Variants in DPYD observed in about 807,000 individuals in gnomAD.
DPYD encodes dihydropyrimidine dehydrogenase.
In DPYD, 109 loss-of-function variants were observed where a neutral mutation model predicts 116.2. The ratio of observed to expected loss-of-function variants is 0.94; its 90% CI spans 0.80 to 1.10. DPYD has a LOEUF of 1.10. DPYD is among the 50% of genes least tolerant of loss of function. DPYD has a pLI of 0.00. For missense variants in DPYD, 1,302 were observed against 1,254.5 expected, an observed-to-expected ratio of 1.04 and a Z score of -0.57; for synonymous variants, 440 against 432.0, an observed-to-expected ratio of 1.02 and a Z score of -0.23.
At chr1:97,871,208 C>T (rs775859030) in intron 2 of DPYD, among the ~76,000 whole-genome samples, 6 of 151,900 alleles carry the variant, frequency 3.9e-5, no homozygotes, top group Non-Finnish European at 8.8e-5. Flanking sequence ...TACTTATTGA[C>T]CTATAATACA....
chr1:97,304,038 A>T (rs1483435527), intron 18 of DPYD, among the ~76,000 whole-genome samples: 1 of 152,026 alleles, frequency 6.6e-6, no homozygotes, highest in Non-Finnish European at 1.5e-5. Flanking sequence ...TTGCAGCTTA[A>T]ATGAGAAAAC....
intron 12 of DPYD, among the ~76,000 whole-genome samples, chr1:97,542,795 G>T (rs74753839): frequency 0.013 from 2,023 of 152,064 alleles, 34 homozygotes; most frequent in East Asian, 0.041. Context: ...TTGAATGAAT[G>T]AATTAATTAA....
intron 14 of DPYD, among the ~76,000 whole-genome samples, chr1:97,386,307 C>G (rs534682217): frequency 6.6e-6 from 1 of 150,780 alleles, no homozygotes; most frequent in Non-Finnish European, 1.5e-5. Flanking sequence ...TCCTTGGTCA[C>G]TAAACTGGAA....
At chr1:97,092,122 A>G (rs1354634163) in intron 21 of DPYD, among the ~76,000 whole-genome samples, 4 of 151,804 alleles carry the variant, frequency 2.6e-5, no homozygotes, top group Non-Finnish European at 5.9e-5. Context: ...AGCTTGTTCT[A>G]TTTTCTCCAT....
intron 20 of DPYD, among the ~76,000 whole-genome samples, chr1:97,168,848 A>C (rs929100358): frequency 9.1e-5 from 13 of 142,388 alleles, no homozygotes; most frequent in African/African-American, 3.4e-4. Context: ...CCACTTAGTA[A>C]TTTTTTTTTT....
At chr1:97,398,513 A>T (rs2101626702) in intron 14 of DPYD, among the ~76,000 whole-genome samples, 1 of 151,454 alleles carries the variant, frequency 6.6e-6, no homozygotes, top group South Asian at 2.1e-4. Context: ...ATCCCTGAGG[A>T]ATCACCACAC....
chr1:97,432,262 T>C (rs544057353), intron 14 of DPYD, among the ~76,000 whole-genome samples: 77 of 152,198 alleles, frequency 5.1e-4, no homozygotes, highest in African/African-American at 1.5e-3. Context: ...TATTTTTAGC[T>C]TTTTTAGAGC....
chr1:97,127,187 A>C (rs1390943626), intron 20 of DPYD, among the ~76,000 whole-genome samples: 5 of 152,198 alleles, frequency 3.3e-5, no homozygotes, highest in Admixed American at 6.5e-5. Flanking sequence ...TACAGCATAA[A>C]GAGAAAAGAC....
rs1416146247 is a variant in DPYD, at chr1:97,385,920, A to C, written c.1906-3459T>G. 3.3e-5 allele frequency among the ~76,000 whole-genome samples: 5 copies of C among 152,158 alleles called. No individual in the cohort carries two copies. In the East Asian group the frequency reaches 9.6e-4, roughly 29 times the overall value. On this transcript the variant is annotated intron_variant, in intron 14 of 22. Transcript: ENST00000370192. ...TATATTGACTGTGCCAGGTTGGTTA[A>C]TTGTTCACCCTGTAGGTTGCTGAGA...
chr1:97,576,037 C>T (rs1653238893), intron 10 of DPYD, among the ~76,000 whole-genome samples: 1 of 152,084 alleles, frequency 6.6e-6, no homozygotes, highest in African/African-American at 2.4e-5. Flanking sequence ...ACCTTAGACT[C>T]CTCTTTAGTT....
chr1:97,271,407 CA>C, intron 18 of DPYD, among the ~76,000 whole-genome samples: 1 of 152,168 alleles, frequency 6.6e-6, no homozygotes, highest in South Asian at 2.1e-4. Flanking sequence ...CAAAAAGGAC[CA>C]GCTCAGAAAA....
chr1:97,549,435 C>T (rs950316750), intron 12 of DPYD, 125 bp downstream of exon 12: 21 of 1,038,190 alleles, frequency 2.0e-5, no homozygotes, highest in African/African-American at 9.6e-5. Flanking sequence ...CAAGTATGTA[C>T]GTGACATATT....
chr1:97,311,044 T>C (rs956627572), intron 16 of DPYD, among the ~76,000 whole-genome samples: 11 of 151,720 alleles, frequency 7.3e-5, no homozygotes, highest in African/African-American at 2.4e-4. Context: ...ACCATGAGTA[T>C]GGAAAGCAGA....
At chr1:97,645,496 C>CTTGTCTTT (rs1168447658) in intron 8 of DPYD, among the ~76,000 whole-genome samples, 1 of 151,946 alleles carries the variant, frequency 6.6e-6, no homozygotes, top group African/African-American at 2.4e-5. Context: ...TAAGAAATAA[C>CTTGTCTTT]TTGTCTTTTC....
intron 12 of DPYD, among the ~76,000 whole-genome samples, chr1:97,526,925 G>T (rs531278126): frequency 6.6e-6 from 1 of 152,088 alleles, no homozygotes; most frequent in Non-Finnish European, 1.5e-5. Context: ...TTTTAATCAC[G>T]ATTTTTAAGG....
At chr1:97,252,138 G>A (rs576421673) in intron 18 of DPYD, among the ~76,000 whole-genome samples, 1 of 152,128 alleles carries the variant, frequency 6.6e-6, no homozygotes, top group African/African-American at 2.4e-5. Context: ...GATTTGTAAT[G>A]AAGTATCCTT....
chr1:97,328,506 T>C (rs1194448983), intron 16 of DPYD, among the ~76,000 whole-genome samples: 1 of 152,168 alleles, frequency 6.6e-6, no homozygotes. Context: ...ACACACTTGC[T>C]CCTGCCCTTG....
At chr1:97,722,621 G>T (rs1302361172) in intron 4 of DPYD, among the ~76,000 whole-genome samples, 1 of 151,488 alleles carries the variant, frequency 6.6e-6, no homozygotes, top group East Asian at 1.9e-4. Flanking sequence ...TTTTTCCTTT[G>T]GCTTTTATTT....
intron 3 of DPYD, among the ~76,000 whole-genome samples, chr1:97,759,139 G>C (rs1359232301): frequency 3.3e-5 from 5 of 152,132 alleles, no homozygotes; most frequent in Non-Finnish European, 7.4e-5. Flanking sequence ...TTTTTGGCTT[G>C]TGTTTTGCTT....
Sources: gnomAD v4.1 joint callset for allele counts (sites outside exome capture counted in the v4.1 genomes callset) on GRCh38, gnomAD v4.1.1 for gene constraint, MANE v1.5 for transcripts, NCBI Gene and HGNC (gene_info 2026-07-23, HGNC 2026-07-21) for gene names.